Variants in LGR5 observed in about 807,000 individuals in gnomAD.
The protein encoded by LGR5 is leucine-rich repeat-containing G protein-coupled receptor 5.
LGR5 carries 54 observed loss-of-function variants against 76.7 expected under a neutral mutation model. The ratio of observed to expected loss-of-function variants is 0.70; its 90% CI spans 0.57 to 0.88. The LOEUF (loss-of-function observed/expected upper bound fraction) is 0.88. Among genes scored for constraint, LGR5 ranks in the 40% least tolerant of loss-of-function variants. LGR5 has a pLI of 0.00. For synonymous variants in LGR5, 406 were observed against 421.9 expected (o/e 0.96, Z 0.46); for missense variants, 1,078 against 1,073.3 (o/e 1.00, Z -0.06).
intron 2 of LGR5, among the ~76,000 whole-genome samples, chr12:71,510,348 G>GTATA (rs529254947): frequency 1.1e-3 from 163 of 152,096 alleles, no homozygotes; most frequent in African/African-American, 3.8e-3. Flanking sequence ...CGGTCATTGT[G>GTATA]TATATATATA....
At chr12:71,515,231 T>C (rs1875378816) in intron 2 of LGR5, among the ~76,000 whole-genome samples, 1 of 152,228 alleles carries the variant, frequency 6.6e-6, no homozygotes, top group African/African-American at 2.4e-5. Context: ...AACCTATAAA[T>C]GTAGTTGGCC....
intron 4 of LGR5, among the ~76,000 whole-genome samples, chr12:71,550,711 C>G (rs1877439438): frequency 6.6e-6 from 1 of 152,010 alleles, no homozygotes; most frequent in Non-Finnish European, 1.5e-5. Flanking sequence ...TGATCTGCCC[C>G]CCTCAGCTTT....
At chr12:71,533,679 A>G (rs1012106129) in intron 3 of LGR5, among the ~76,000 whole-genome samples, 8 of 152,246 alleles carry the variant, frequency 5.3e-5, no homozygotes, top group Admixed American at 3.9e-4. Context: ...GTACATTAAA[A>G]GGGCCAATTT....
chr12:71,561,426 A>G (rs1429754102), intron 7 of LGR5, among the ~76,000 whole-genome samples: 1 of 152,246 alleles, frequency 6.6e-6, no homozygotes, highest in African/African-American at 2.4e-5. Flanking sequence ...AAATGGGGTC[A>G]GTAGGAGTGA....
chr12:71,532,844 G>A (rs1876392310), intron 3 of LGR5, among the ~76,000 whole-genome samples: 1 of 151,552 alleles, frequency 6.6e-6, no homozygotes, highest in South Asian at 2.1e-4. Context: ...GAGTAGGTAG[G>A]ACTATAAGTA....
chr12:71,468,445 G>A (rs145475713), intron 1 of LGR5, among the ~76,000 whole-genome samples: 1 of 152,326 alleles, frequency 6.6e-6, no homozygotes, highest in Non-Finnish European at 1.5e-5. Flanking sequence ...TACCCAAGGT[G>A]AATGCTAAAG....
intron 2 of LGR5, 66 bp downstream of exon 2, chr12:71,504,751 T>C (rs1426824603): frequency 7.8e-7 from 1 of 1,279,480 alleles, no homozygotes; most frequent in Non-Finnish European, 1.1e-6. Flanking sequence ...TTGTCTCTCA[T>C]ACTTACTGTG....
chr12:71,512,082 C>G (rs781256712), intron 2 of LGR5, among the ~76,000 whole-genome samples: 1 of 152,176 alleles, frequency 6.6e-6, no homozygotes, highest in Non-Finnish European at 1.5e-5. Context: ...ACTTCCACCC[C>G]CTGGATTCAA....
intron 1 of LGR5, among the ~76,000 whole-genome samples, chr12:71,442,211 C>T (rs543692034): frequency 1.3e-5 from 2 of 152,274 alleles, no homozygotes; most frequent in African/African-American, 4.8e-5. Flanking sequence ...GTTAGGCTTC[C>T]GTTACTAAAA....
intron 16 of LGR5, among the ~76,000 whole-genome samples, chr12:71,581,294 T>C (rs904007752): frequency 2.4e-4 from 36 of 152,388 alleles, no homozygotes; most frequent in Non-Finnish European, 3.1e-4. Flanking sequence ...AGATAATGTC[T>C]GTAAAGCTTG....
Position 71,540,895 on chromosome 12 carries a change from T to C in LGR5, c.428+5709T>C, listed in dbSNP as rs117802034. 1.9e-3 allele frequency among the ~76,000 whole-genome samples: 296 copies of C among 152,334 alleles called. 8 individuals carry two copies. In the East Asian group the frequency reaches 0.035, roughly 18 times the overall value. ...AAAACAGTGGTTTTAGTATTGGTGA[T>C]ATTCCTTCCACTAAAATAGTCTCCA... is the stretch of plus-strand genomic sequence containing the variant. On this transcript the variant is annotated intron_variant, in intron 4 of 17. Transcript: ENST00000266674.
rs75373204 is a variant in LGR5 at position 71,559,661 on chromosome 12, A to G, written c.785+7A>G. ...TCTCCAACCTTAAAGAACTGTAAGT[A>G]TTTAGGACAATTTTAATGGGAGAAC... On this transcript the variant is annotated splice_region_variant and intron_variant, in intron 7 of 17. Coordinates refer to ENST00000266674, the MANE Select transcript of LGR5 (RefSeq NM_003667.4). 3 of 1,392,372 alleles carry G rather than the reference A, an allele frequency of 2.2e-6. No homozygotes were observed. In the South Asian group the frequency reaches 3.6e-5, roughly 17 times the overall value. The allele number at this position is 1,392,372 out of a possible 1,614,324, so 86.3% of individuals were successfully genotyped here.
intron 1 of LGR5, among the ~76,000 whole-genome samples, chr12:71,454,556 G>A (rs1381871175): frequency 6.6e-6 from 1 of 152,150 alleles, no homozygotes; most frequent in East Asian, 1.9e-4. Flanking sequence ...GCAGCCCAGA[G>A]GAGATGAGAC....
rs1398742194 is a variant in LGR5 at position 71,585,367 on chromosome 12, G to A, written c.*633G>A. The A allele has an allele frequency of 6.6e-6, 1 of 152,354 alleles. No homozygotes were observed. Among genetic ancestry groups the A allele is most frequent in the African/African-American group, 2.4e-5 (1 of 41,436 alleles). The allele number at this position is 152,354 out of a possible 1,614,324, so 9.4% of individuals were successfully genotyped here. ...TACCAGGTTTTATGTATCAGCACTAGATGGTTCCACCCTCATGGGATAAAA... is the reference window on the plus strand; with the variant it reads ...TACCAGGTTTTATGTATCAGCACTAAATGGTTCCACCCTCATGGGATAAAA... On this transcript the variant is annotated 3_prime_UTR_variant, in exon 18 of 18. Coordinates refer to ENST00000266674, the MANE Select transcript of LGR5 (RefSeq NM_003667.4).
intron 2 of LGR5, among the ~76,000 whole-genome samples, chr12:71,517,752 T>C (rs1875516359): frequency 6.6e-6 from 1 of 152,256 alleles, no homozygotes; most frequent in African/African-American, 2.4e-5. Flanking sequence ...TGAATCTGTC[T>C]TAATTCAAAA....
chr12:71,573,376 G>T (rs1039793677), intron 13 of LGR5, among the ~76,000 whole-genome samples: 1 of 152,136 alleles, frequency 6.6e-6, no homozygotes, highest in Non-Finnish European at 1.5e-5. Flanking sequence ...TCATGAGTTA[G>T]AATCTCTGGA....
chr12:71,550,619 C>A (rs543070114), intron 4 of LGR5, among the ~76,000 whole-genome samples: 1 of 152,062 alleles, frequency 6.6e-6, no homozygotes, highest in East Asian at 1.9e-4. Flanking sequence ...CATCACCACA[C>A]CCAGCTAATT....
intron 1 of LGR5, among the ~76,000 whole-genome samples, chr12:71,458,060 AT>A (rs532337213): frequency 6.7e-4 from 102 of 152,168 alleles, no homozygotes; most frequent in African/African-American, 2.4e-3. Flanking sequence ...ACATGTAGTC[AT>A]TAGATGAGAA....
chr12:71,581,417 C>A (rs1211434699), intron 16 of LGR5, among the ~76,000 whole-genome samples: 1 of 152,204 alleles, frequency 6.6e-6, no homozygotes, highest in East Asian at 1.9e-4. Flanking sequence ...GCCAACCCTG[C>A]GAGTTTGCAC....
Sources: gnomAD v4.1 joint callset for allele counts (sites outside exome capture counted in the v4.1 genomes callset) on GRCh38, gnomAD v4.1.1 for gene constraint, MANE v1.5 for transcripts, NCBI Gene and HGNC (gene_info 2026-07-23, HGNC 2026-07-21) for gene names.